The following NTM variants were observed in gnomAD, a reference collection of about 807,000 sequenced individuals.
The protein encoded by NTM is neurotrimin.
Under a neutral mutation model 42.1 loss-of-function variants are expected in NTM, and 13 were observed. That is an observed-to-expected ratio of 0.31 (90% CI 0.20 to 0.49). The LOEUF (loss-of-function observed/expected upper bound fraction) is 0.49. NTM is among the 20% of genes least tolerant of loss of function. The pLI, the probability that NTM is intolerant of heterozygous loss-of-function variation, is 0.99. For missense variants in NTM, 373 were observed against 452.8 expected (o/e 0.82, Z 1.60); for synonymous variants, 187 against 179.2 (o/e 1.04, Z -0.35).
At chr11:132,060,697 G>A (rs1174133724) in intron 2 of NTM, among the ~76,000 whole-genome samples, 9 of 152,190 alleles carry the variant, frequency 5.9e-5, no homozygotes, top group Admixed American at 5.9e-4. Flanking sequence ...TTTAGGATTT[G>A]CAATCTCTGT....
chr11:132,274,231 A>G (rs1444230926), intron 4 of NTM, among the ~76,000 whole-genome samples: 6 of 151,566 alleles, frequency 4.0e-5, no homozygotes, highest in African/African-American at 1.2e-4. Context: ...CTTTTAAAAT[A>G]ATTTTCTTCT....
intron 3 of NTM, among the ~76,000 whole-genome samples, chr11:132,180,019 T>G (rs537006057): frequency 6.6e-6 from 1 of 152,236 alleles, no homozygotes; most frequent in Admixed American, 6.5e-5. Flanking sequence ...TTTCAGAAAA[T>G]TATTGGAAAA....
At chr11:132,027,081 T>C (rs77324581) in intron 2 of NTM, among the ~76,000 whole-genome samples, 1,874 of 152,284 alleles carry the variant, frequency 0.012, 43 homozygotes, top group African/African-American at 0.043. Flanking sequence ...GTACAAGGCT[T>C]GAAAAACAAA....
chr11:131,389,446 C>CT (rs145631195), intron 1 of NTM, among the ~76,000 whole-genome samples: 3,305 of 152,324 alleles, frequency 0.022, 106 homozygotes, highest in African/African-American at 0.075. Flanking sequence ...TATCATTCGC[C>CT]TTGGTGGCAG....
chr11:131,474,270 A>G (rs1024383394), intron 1 of NTM, among the ~76,000 whole-genome samples: 1 of 152,128 alleles, frequency 6.6e-6, no homozygotes, highest in African/African-American at 2.4e-5. Flanking sequence ...TCCATCTGGA[A>G]ACTCTTCTTC....
intron 1 of NTM, among the ~76,000 whole-genome samples, chr11:131,821,403 C>T (rs1050504714): frequency 3.3e-5 from 5 of 152,216 alleles, no homozygotes; most frequent in African/African-American, 1.2e-4. Context: ...GAGCTCTGAG[C>T]TGATAGGCAC....
chr11:132,179,617 A>G (rs1024767199), intron 3 of NTM, among the ~76,000 whole-genome samples: 54 of 152,236 alleles, frequency 3.5e-4, no homozygotes, highest in African/African-American at 1.3e-3. Flanking sequence ...ATTTCCACAA[A>G]GATCCTTCCA....
rs1351216202 is a variant in NTM, at chr11:132,152,530, G to T, written c.400+6016G>T. 1.1e-4 allele frequency among the ~76,000 whole-genome samples: 17 copies of T among 152,174 alleles called. 1 individual carries two copies. Among genetic ancestry groups the T allele is most frequent in the Admixed American group, 1.1e-3 (17 of 15,272 alleles). ...GTGTGTCTAAATTTGATAGAACTTT[G>T]AAAAAGTCAGGAAATTAAATTCCAC... On this transcript the variant is annotated intron_variant, in intron 3 of 8. Transcript: ENST00000683400.
chr11:131,523,537 C>T (rs985957054), intron 1 of NTM, among the ~76,000 whole-genome samples: 2 of 151,928 alleles, frequency 1.3e-5, no homozygotes, highest in Admixed American at 1.3e-4. Context: ...TCCTGTAATC[C>T]CAGCACTTTG....
chr11:132,236,469 G>C (rs890898597), intron 4 of NTM, among the ~76,000 whole-genome samples: 6 of 152,066 alleles, frequency 3.9e-5, no homozygotes, highest in African/African-American at 1.4e-4. Flanking sequence ...ATTGTAACTT[G>C]GGAGGAATAT....
At chr11:131,921,970 C>G (rs984946618) in intron 2 of NTM, 2 of 152,598 alleles carry the variant, frequency 1.3e-5, no homozygotes, top group Admixed American at 6.5e-5. Context: ...CCTCATCCTC[C>G]AAACCTTTTT....
intron 1 of NTM, among the ~76,000 whole-genome samples, chr11:131,641,927 A>G (rs1392195983): frequency 6.6e-6 from 1 of 152,026 alleles, no homozygotes; most frequent in Non-Finnish European, 1.5e-5. Flanking sequence ...GGGTTTCACC[A>G]TGTTGGCGAG....
At chr11:132,153,278 A>G (rs2072392548) in intron 3 of NTM, among the ~76,000 whole-genome samples, 1 of 152,202 alleles carries the variant, frequency 6.6e-6, no homozygotes, top group Non-Finnish European at 1.5e-5. Context: ...TTTTGGGGAA[A>G]GGACAAACAC....
chr11:131,840,245 C>T (rs538762329), intron 1 of NTM, among the ~76,000 whole-genome samples: 20 of 152,250 alleles, frequency 1.3e-4, no homozygotes, highest in Admixed American at 3.9e-4. Context: ...AAAGGAAAAA[C>T]GCCTAAGGAT....
intron 1 of NTM, among the ~76,000 whole-genome samples, chr11:131,730,513 G>C (rs745419683): frequency 2.0e-5 from 3 of 152,016 alleles, no homozygotes; most frequent in Admixed American, 6.6e-5. Context: ...CCGGGAGTTT[G>C]GGACCAGCCT....
In NTM at chr11:131,730,721, A is replaced by AAAAAAAAAAAAAAAAAAAAAAAG. The variant is rs113412896; in HGVS notation, c.83-180841_83-180840insAAAAAAAAAAAAAAAAAAAAGAA. Among the ~76,000 whole-genome samples the AAAAAAAAAAAAAAAAAAAAAAAG allele has an allele frequency of 9.7e-5, 13 of 134,372 alleles. No individual in the cohort carries two copies. The East Asian group carries it at 1.6e-3, about 16-fold the overall frequency. 88.2% of individuals were successfully genotyped at this position (134,372 alleles called of 152,430 possible). ...GTGCCACAGTAGACCCTATCTGTTA[A>AAAAAAAAAAAAAAAAAAAAAAAG]AAGAAGAAGAAGAGAAGAAGACGAA... On this transcript the variant is annotated intron_variant, in intron 1 of 8. Transcript: ENST00000683400.
intron 2 of NTM, among the ~76,000 whole-genome samples, chr11:132,064,023 T>A (rs1014108303): frequency 6.6e-6 from 1 of 152,018 alleles, no homozygotes; most frequent in African/African-American, 2.4e-5. Context: ...CTCTAAAAGC[T>A]AACTCAACAA....
chr11:131,566,119 C>G (rs913099668), intron 1 of NTM, among the ~76,000 whole-genome samples: 2 of 152,126 alleles, frequency 1.3e-5, no homozygotes, highest in African/African-American at 4.8e-5. Flanking sequence ...TTCCAGAAAA[C>G]TGCCCCACAC....
intron 1 of NTM, among the ~76,000 whole-genome samples, chr11:131,764,374 T>C (rs1208349601): frequency 6.6e-6 from 1 of 152,170 alleles, no homozygotes; most frequent in African/African-American, 2.4e-5. Flanking sequence ...CTTCCTCATG[T>C]CACCTGGGGA....
Sources: gnomAD v4.1 joint callset for allele counts (sites outside exome capture counted in the v4.1 genomes callset) on GRCh38, gnomAD v4.1.1 for gene constraint, MANE v1.5 for transcripts, NCBI Gene and HGNC (gene_info 2026-07-23, HGNC 2026-07-21) for gene names.